TGFBR2: variants seen among roughly 807,000 people sequenced by gnomAD.
TGFBR2 encodes transforming growth factor beta receptor 2, also known as TGF-beta receptor type-2.
In TGFBR2, 18 loss-of-function variants were observed where a neutral mutation model predicts 49.0. The ratio of observed to expected loss-of-function variants is 0.37; its 90% confidence interval spans 0.25 to 0.54. TGFBR2 has a LOEUF of 0.54. TGFBR2 is among the 20% of genes least tolerant of loss of function. The pLI is 0.85. For synonymous variants in TGFBR2, 282 were observed against 275.9 expected (o/e 1.02, Z -0.22); for missense variants, 525 against 722.6 (o/e 0.73, Z 3.13).
At chr3:30,615,821 C>G (rs1191544727) in intron 1 of TGFBR2, among the ~76,000 whole-genome samples, 3 of 152,072 alleles carry the variant, frequency 2.0e-5, no homozygotes, top group Non-Finnish European at 4.4e-5. Context: ...CTCACTGCAG[C>G]CTTGGAGTCC....
At chr3:30,648,901 A>G (rs891595) in intron 2 of TGFBR2, among the ~76,000 whole-genome samples, 20,023 of 152,148 alleles carry the variant, frequency 0.13, 1,574 homozygotes, top group East Asian at 0.38. Context: ...GCACTAAAAA[A>G]GTGGTATTGG....
chr3:30,666,657 C>T (rs934848766), intron 3 of TGFBR2, among the ~76,000 whole-genome samples: 8 of 112,954 alleles, frequency 7.1e-5, no homozygotes, highest in African/African-American at 2.4e-4. Flanking sequence ...CCCGCACAAA[C>T]ACAGGGTCTT....
intron 1 of TGFBR2, 70 bp downstream of exon 1, chr3:30,607,047 G>C: frequency 7.3e-7 from 1 of 1,375,572 alleles, no homozygotes; most frequent in Non-Finnish European, 1.0e-6. Flanking sequence ...TCTCCGCTGC[G>C]CTTGACAGTC....
intron 1 of TGFBR2, among the ~76,000 whole-genome samples, chr3:30,642,570 T>C (rs1238616621): frequency 1.3e-5 from 2 of 152,196 alleles, no homozygotes; most frequent in Non-Finnish European, 2.9e-5. Flanking sequence ...AATCCTAAGA[T>C]GTTGGAAGAC....
intron 5 of TGFBR2, among the ~76,000 whole-genome samples, chr3:30,677,608 T>C (rs149532025): frequency 4.1e-4 from 63 of 152,346 alleles, no homozygotes; most frequent in African/African-American, 1.4e-3. Context: ...TTTTGGCATG[T>C]CTCAAAAACC....
At chr3:30,636,222 T>C (rs1447920496) in intron 1 of TGFBR2, among the ~76,000 whole-genome samples, 2 of 146,894 alleles carry the variant, frequency 1.4e-5, no homozygotes, top group Non-Finnish European at 3.0e-5. Context: ...ATTACAGGCG[T>C]GAGCCACCGC....
intron 1 of TGFBR2, among the ~76,000 whole-genome samples, chr3:30,613,186 T>C (rs1044286685): frequency 1.3e-5 from 2 of 151,886 alleles, no homozygotes; most frequent in African/African-American, 4.8e-5. Flanking sequence ...CTCCAATTTT[T>C]TTCAGCTCTA....
intron 1 of TGFBR2, among the ~76,000 whole-genome samples, chr3:30,620,346 G>A (rs991097347): frequency 6.6e-6 from 1 of 152,130 alleles, no homozygotes; most frequent in African/African-American, 2.4e-5. Context: ...AAAGGCCGAG[G>A]AAACTTGCTT....
chr3:30,640,680 G>A (rs148315798), intron 1 of TGFBR2, among the ~76,000 whole-genome samples: 25 of 152,230 alleles, frequency 1.6e-4, no homozygotes, highest in African/African-American at 6.0e-4. Context: ...TTGCATCCAC[G>A]GTTGATGGAA....
rs11466524 is a variant in TGFBR2 at position 30,687,872 on chromosome 3, A to T, written c.1397-512A>T. Among the ~76,000 whole-genome samples the T allele has an allele frequency of 6.3e-3, 953 of 152,328 alleles. 5 individuals carry two copies. Among genetic ancestry groups the T allele is most frequent in the Middle Eastern group, 0.031 (9 of 294 alleles). On this transcript the variant is annotated intron_variant, in intron 5 of 6. Coordinates refer to ENST00000295754, the MANE Select transcript of TGFBR2 (RefSeq NM_003242.6). ...TGTCTGGCTTATTTCACTTAGCATA[A>T]TGTCTTCAAGATTCATCCATGTTGT...
At chr3:30,628,490 C>T in intron 1 of TGFBR2, among the ~76,000 whole-genome samples, 1 of 84,194 alleles carries the variant, frequency 1.2e-5, no homozygotes. Context: ...GACTTAAATC[C>T]TCCAAAAAAA....
intron 1 of TGFBR2, among the ~76,000 whole-genome samples, chr3:30,643,127 A>G (rs1458941826): frequency 6.6e-6 from 1 of 152,208 alleles, no homozygotes; most frequent in East Asian, 1.9e-4. Context: ...ACAGAATCCT[A>G]AAATTCACAG....
intron 1 of TGFBR2, among the ~76,000 whole-genome samples, chr3:30,624,982 T>C (rs2125455617): frequency 6.6e-6 from 1 of 152,308 alleles, no homozygotes; most frequent in Non-Finnish European, 1.5e-5. Context: ...ATTGGAGTGA[T>C]TTTCTTCAAA....
chr3:30,657,347 C>G (rs1373137160), intron 3 of TGFBR2, among the ~76,000 whole-genome samples: 1 of 152,172 alleles, frequency 6.6e-6, no homozygotes, highest in East Asian at 1.9e-4. Context: ...CTCAGGCTGA[C>G]ACTGTTTCCA....
At position 30,693,643 on chromosome 3, in the gene TGFBR2, G is replaced by A. The variant is rs548360294; in HGVS notation, c.*2044G>A. On this transcript the variant is annotated 3_prime_UTR_variant, in exon 7 of 7. Coordinates refer to ENST00000295754, the MANE Select transcript of TGFBR2 (RefSeq NM_003242.6). ...AGTGTGGCTGCAGTAGCATAGAGGC[G>A]CCTAGAAATTCCACTTGCACCGTAG... The A allele has an allele frequency of 4.3e-5, 10 of 233,512 alleles. No individual in the cohort carries two copies. The highest frequency in any genetic ancestry group is 1.8e-4 in the South Asian group (1 of 5,510). The allele number at this position is 233,512 out of a possible 1,614,324, so 14.5% of individuals were successfully genotyped here.
intron 2 of TGFBR2, among the ~76,000 whole-genome samples, chr3:30,645,174 T>A (rs1423165749): frequency 6.6e-6 from 1 of 152,136 alleles, no homozygotes; most frequent in Non-Finnish European, 1.5e-5. Flanking sequence ...CATAAAATGA[T>A]CTTTAATATA....
At chr3:30,629,135 A>C (rs1373054632) in intron 1 of TGFBR2, among the ~76,000 whole-genome samples, 1 of 152,196 alleles carries the variant, frequency 6.6e-6, no homozygotes, top group South Asian at 2.1e-4. Flanking sequence ...GTGTTGTCCT[A>C]TAGGACTTTC....
Position 30,636,822 on chromosome 3 carries a change from TG to T in TGFBR2, c.95-7922del, listed in dbSNP as rs1415073114. ...GCTCAAGCCTGTAATCCCAGCACTT[TG>T]GGAGGCCAAGGTGGGCAGATCACGA... On this transcript the variant is annotated intron_variant, in intron 1 of 6. Coordinates refer to ENST00000295754, the MANE Select transcript of TGFBR2 (RefSeq NM_003242.6). Among the ~76,000 whole-genome samples, 11 of 151,834 alleles carry T rather than the reference TG, an allele frequency of 7.2e-5. No homozygotes were observed. In the East Asian group the frequency reaches 2.1e-3, roughly 29 times the overall value.
In TGFBR2 at chr3:30,624,678, G is replaced by A. The variant is rs571080517; in HGVS notation, c.94+17701G>A. ...ACTATTTCACTTGCCATCATAGAAA[G>A]CTAAGCTATACTTCTGCTTTTCTAC... On this transcript the variant is annotated intron_variant, in intron 1 of 6. Transcript: ENST00000295754. 3.3e-5 allele frequency among the ~76,000 whole-genome samples: 5 copies of A among 151,902 alleles called. No homozygotes were observed. In the South Asian group the frequency reaches 1.0e-3, roughly 32 times the overall value.
Sources: gnomAD v4.1 joint callset for allele counts (sites outside exome capture counted in the v4.1 genomes callset) on GRCh38, gnomAD v4.1.1 for gene constraint, MANE v1.5 for transcripts, NCBI Gene and HGNC (gene_info 2026-07-23, HGNC 2026-07-21) for gene names.